The following FRMD4A variants were observed in gnomAD, a reference collection of about 807,000 sequenced individuals.
The protein encoded by FRMD4A is FERM domain-containing protein 4A.
FRMD4A carries 29 observed loss-of-function variants against 129.1 expected under a neutral mutation model. The ratio of observed to expected loss-of-function variants is 0.22; its 90% CI spans 0.17 to 0.31. The LOEUF is 0.31. Among genes scored for constraint, FRMD4A ranks in the 10% least tolerant of loss-of-function variants. The pLI is 1.00. For missense variants in FRMD4A, 1,272 were observed against 1,375.8 expected (o/e 0.92, Z 1.19); for synonymous variants, 634 against 571.6 (o/e 1.11, Z -1.56).
intron 2 of FRMD4A, among the ~76,000 whole-genome samples, chr10:14,207,530 C>A (rs1038350206): frequency 6.6e-6 from 1 of 152,088 alleles, no homozygotes; most frequent in Non-Finnish European, 1.5e-5. Context: ...TTAACACAGG[C>A]CCCAGTCTTT....
intron 2 of FRMD4A, among the ~76,000 whole-genome samples, chr10:13,891,065 C>T (rs943800156): frequency 6.6e-6 from 1 of 152,162 alleles, no homozygotes; most frequent in Non-Finnish European, 1.5e-5. Context: ...AGAAGCACTG[C>T]ATTTAGCCAA....
intron 2 of FRMD4A, among the ~76,000 whole-genome samples, chr10:14,274,235 G>A (rs961520498): frequency 2.0e-5 from 3 of 152,164 alleles, no homozygotes; most frequent in African/African-American, 4.8e-5. Flanking sequence ...CATGTAAGTC[G>A]ATCCCTAGAG....
intron 15 of FRMD4A, chr10:13,693,088 G>C (rs376762139): frequency 2.2e-4 from 33 of 150,824 alleles, no homozygotes; most frequent in African/African-American, 7.8e-4. Flanking sequence ...GCCCAGGCTG[G>C]TCTTAAACTC....
At chr10:14,010,508 A>T (rs923313996) in intron 2 of FRMD4A, among the ~76,000 whole-genome samples, 1 of 152,028 alleles carries the variant, frequency 6.6e-6, no homozygotes, top group Admixed American at 6.6e-5. Context: ...CTCCTCCCAG[A>T]TAATGGAGCC....
chr10:13,656,643 G>A lies in FRMD4A; in HGVS notation c.2946C>T (p.Ala982=), dbSNP rs1314991171. 1 of 1,443,464 alleles carries A rather than the reference G, an allele frequency of 6.9e-7. No homozygotes were observed. The highest frequency in any genetic ancestry group is 9.2e-7 in the Non-Finnish European group (1 of 1,088,978). The allele number at this position is 1,443,464 out of a possible 1,614,324, so 89.4% of individuals were successfully genotyped here. A position where few individuals can be genotyped will look rare whatever the true frequency, so the allele number is the denominator to read the frequency against. Residue 982 remains alanine (A), a synonymous_variant, in exon 22 of 25, where the codon GCC becomes GCT. Coordinates refer to ENST00000357447, the MANE Select transcript of FRMD4A (RefSeq NM_018027.5). ...RVTRMPQMCK[A]TSAALPQSQR... is the part of the protein sequence containing the mutation. The stretch of plus-strand genomic sequence containing the variant: ...CTGGCCGCCCCCTCTCACCTGACGT[G>A]GCCTTGCACATCTGGGGCATCCTGG...
intron 2 of FRMD4A, among the ~76,000 whole-genome samples, chr10:14,165,904 C>T (rs143924306): frequency 3.0e-3 from 464 of 152,202 alleles, no homozygotes; most frequent in Middle Eastern, 6.8e-3. Context: ...CTATTGGGTC[C>T]TATGTCCACT....
At chr10:13,672,047 G>T (rs1162140656) in intron 16 of FRMD4A, among the ~76,000 whole-genome samples, 1 of 152,234 alleles carries the variant, frequency 6.6e-6, no homozygotes, top group African/African-American at 2.4e-5. Context: ...TTCTCCAACT[G>T]CTGTGTGCAC....
intron 3 of FRMD4A, among the ~76,000 whole-genome samples, chr10:13,852,723 G>T (rs921214765): frequency 6.6e-6 from 1 of 151,932 alleles, no homozygotes; most frequent in East Asian, 1.9e-4. Context: ...CACAGCTGGC[G>T]TGTGATTTAT....
chr10:13,681,309 C>G (rs780462243), intron 15 of FRMD4A, among the ~76,000 whole-genome samples: 6 of 152,148 alleles, frequency 3.9e-5, no homozygotes, highest in Admixed American at 1.3e-4. Flanking sequence ...CATCAACAGA[C>G]CGAAGCAAAT....
At chr10:14,099,636 G>C (rs1837194838) in intron 2 of FRMD4A, among the ~76,000 whole-genome samples, 1 of 152,208 alleles carries the variant, frequency 6.6e-6, no homozygotes, top group East Asian at 1.9e-4. Flanking sequence ...GCATGTGTAA[G>C]TGGACCTGTG....
chr10:14,010,393 A>G (rs1414339641), intron 2 of FRMD4A, among the ~76,000 whole-genome samples: 1 of 152,208 alleles, frequency 6.6e-6, no homozygotes, highest in Non-Finnish European at 1.5e-5. Flanking sequence ...TAATGGTAAC[A>G]AAAATAACCC....
intron 2 of FRMD4A, among the ~76,000 whole-genome samples, chr10:13,977,033 A>C (rs2095544294): frequency 6.6e-6 from 1 of 152,238 alleles, no homozygotes. Flanking sequence ...AGCCTAAGTC[A>C]CATCTGTTCT....
chr10:14,006,466 G>A (rs1565177497), intron 2 of FRMD4A, among the ~76,000 whole-genome samples: 1 of 152,132 alleles, frequency 6.6e-6, no homozygotes, highest in Non-Finnish European at 1.5e-5. Context: ...AACAGAAGTG[G>A]TAACTGCCTA....
intron 3 of FRMD4A, among the ~76,000 whole-genome samples, chr10:13,854,235 A>G (rs562358238): frequency 6.6e-6 from 1 of 152,214 alleles, no homozygotes; most frequent in South Asian, 2.1e-4. Flanking sequence ...TACTCCCCCA[A>G]ATATACATTC....
chr10:13,665,643 C>T (rs1487032097), intron 18 of FRMD4A, among the ~76,000 whole-genome samples: 1 of 152,120 alleles, frequency 6.6e-6, no homozygotes, highest in Non-Finnish European at 1.5e-5. Context: ...ATAGGAGGCC[C>T]CTGGCAGCAT....
At chr10:13,757,221 T>G (rs896874500) in intron 8 of FRMD4A, among the ~76,000 whole-genome samples, 1 of 152,258 alleles carries the variant, frequency 6.6e-6, no homozygotes, top group African/African-American at 2.4e-5. Context: ...GAATTGTTTT[T>G]AAAGAGAAAT....
chr10:14,290,872 A>T (rs1378218244), intron 2 of FRMD4A, among the ~76,000 whole-genome samples: 1 of 152,124 alleles, frequency 6.6e-6, no homozygotes, highest in East Asian at 1.9e-4. Context: ...TATATGATAA[A>T]TGACTTAGCA....
At chr10:14,127,361 T>C (rs993865324) in intron 2 of FRMD4A, among the ~76,000 whole-genome samples, 32 of 152,226 alleles carry the variant, frequency 2.1e-4, no homozygotes, top group African/African-American at 7.2e-4. Context: ...CATTTTCTTT[T>C]GTGAAAACTA....
Position 13,972,544 on chromosome 10 carries a change from T to G in FRMD4A, c.46-113632A>C, listed in dbSNP as rs139986311. Among the ~76,000 whole-genome samples the G allele has an allele frequency of 8.5e-4, 130 of 152,246 alleles. 1 individual carries two copies. Among genetic ancestry groups the G allele is most frequent in the African/African-American group, 3.0e-3 (124 of 41,548 alleles). On this transcript the variant is annotated intron_variant, in intron 2 of 24. Transcript: ENST00000357447. Reference sequence around the variant, plus strand: ...GTAAAGTCAACCTATCCCGTTTTTTTTTTCGCCCCGCATGAGGGGTTACTT... The same window carrying G: ...GTAAAGTCAACCTATCCCGTTTTTTGTTTCGCCCCGCATGAGGGGTTACTT...
Sources: allele counts gnomAD v4.1 joint callset (sites outside exome capture counted in the v4.1 genomes callset), GRCh38; gene constraint gnomAD v4.1.1; transcripts MANE v1.5; gene names NCBI Gene and HGNC (gene_info 2026-07-23, HGNC 2026-07-21).